ZMAT4: variants seen among roughly 807,000 people sequenced by gnomAD.
The protein encoded by ZMAT4 is zinc finger matrin-type 4, also known as zinc finger matrin-type protein 4.
Under a neutral mutation model 28.7 loss-of-function variants are expected in ZMAT4, and 17 were observed. The observed-to-expected ratio is 0.59, with a 90% CI of 0.41 to 0.89. ZMAT4 has a LOEUF of 0.89. Among genes scored for constraint, ZMAT4 ranks in the 40% least tolerant of loss-of-function variants. The pLI, the probability that ZMAT4 is intolerant of heterozygous loss-of-function variation, is 0.00. For missense variants in ZMAT4, 240 were observed against 283.8 expected (o/e 0.85, Z 1.11); for synonymous variants, 117 against 109.2 (o/e 1.07, Z -0.44).
intron 3 of ZMAT4, among the ~76,000 whole-genome samples, chr8:40,718,457 A>T (rs562133631): frequency 6.6e-6 from 1 of 152,306 alleles, no homozygotes; most frequent in Non-Finnish European, 1.5e-5. Context: ...TTATAACAAT[A>T]CTTGCAGGAT....
intron 5 of ZMAT4, among the ~76,000 whole-genome samples, chr8:40,588,673 G>A (rs758228457): frequency 1.3e-5 from 2 of 152,042 alleles, no homozygotes; most frequent in Non-Finnish European, 2.9e-5. Context: ...TTCTTGAGGG[G>A]ATTGCAAAAT....
At chr8:40,740,831 G>A (rs1427273674) in intron 3 of ZMAT4, among the ~76,000 whole-genome samples, 2 of 152,154 alleles carry the variant, frequency 1.3e-5, no homozygotes, top group African/African-American at 4.8e-5. Flanking sequence ...CAGCAGAAAT[G>A]TGTGAACTGA....
rs549554488 is a variant in ZMAT4 at position 40,805,233 on chromosome 8, A to T, written c.102+20342T>A. On this transcript the variant is annotated intron_variant, in intron 2 of 6. Transcript: ENST00000297737. ...TCAGAGAAATGCAAATCAAAACCACAATGAGATACCATCTCACACCAGTTA... is the reference window on the plus strand; with the variant it reads ...TCAGAGAAATGCAAATCAAAACCACTATGAGATACCATCTCACACCAGTTA... Among the ~76,000 whole-genome samples the T allele has an allele frequency of 1.2e-3, 177 of 151,276 alleles. 5 individuals are homozygous for T. Among genetic ancestry groups the T allele is most frequent in the Admixed American group, 0.012 (177 of 15,204 alleles).
intron 1 of ZMAT4, among the ~76,000 whole-genome samples, chr8:40,894,576 C>T (rs879653511): frequency 5.9e-5 from 9 of 152,016 alleles, no homozygotes; most frequent in Admixed American, 5.9e-4. Flanking sequence ...TGAAATTTTC[C>T]TAAATGAAAG....
chr8:40,760,510 A>C (rs1812879995), intron 3 of ZMAT4, among the ~76,000 whole-genome samples: 1 of 152,192 alleles, frequency 6.6e-6, no homozygotes, highest in South Asian at 2.1e-4. Flanking sequence ...TAGGAGAGCT[A>C]AGCAGCATCT....
intron 3 of ZMAT4, among the ~76,000 whole-genome samples, chr8:40,697,732 C>T (rs983993802): frequency 4.9e-5 from 7 of 141,722 alleles, no homozygotes; most frequent in East Asian, 2.4e-4. Flanking sequence ...CCTGACCGGC[C>T]CCGGTGCAAT....
intron 4 of ZMAT4, among the ~76,000 whole-genome samples, chr8:40,692,134 C>A (rs904333149): frequency 6.6e-6 from 1 of 152,168 alleles, no homozygotes. Context: ...TAAATACCTA[C>A]TATGTGCCCA....
At chr8:40,550,166 G>A (rs1160172202) in intron 6 of ZMAT4, among the ~76,000 whole-genome samples, 1 of 152,094 alleles carries the variant, frequency 6.6e-6, no homozygotes, top group Non-Finnish European at 1.5e-5. Flanking sequence ...CATGAATGCA[G>A]CAGGGATTTT....
intron 1 of ZMAT4, among the ~76,000 whole-genome samples, chr8:40,861,079 C>T (rs1207394705): frequency 6.6e-6 from 1 of 152,208 alleles, no homozygotes. Flanking sequence ...TCTTACTGAT[C>T]ATTATTGGTA....
chr8:40,556,055 G>A (rs1803524712), intron 6 of ZMAT4, among the ~76,000 whole-genome samples: 1 of 152,042 alleles, frequency 6.6e-6, no homozygotes, highest in African/African-American at 2.4e-5. Context: ...CCAGTCACAT[G>A]GTTCTCCTAC....
At chr8:40,601,517 G>T (rs1306318223) in intron 5 of ZMAT4, among the ~76,000 whole-genome samples, 1 of 142,994 alleles carries the variant, frequency 7.0e-6, no homozygotes, top group East Asian at 2.1e-4. Context: ...AAGAGAAAGA[G>T]AAAGAAAGAG....
intron 3 of ZMAT4, among the ~76,000 whole-genome samples, chr8:40,725,962 A>G (rs1249913604): frequency 1.3e-5 from 2 of 152,182 alleles, no homozygotes; most frequent in South Asian, 2.1e-4. Context: ...GGATGCTCCA[A>G]TTTCCATTCT....
rs574506549 is a variant in ZMAT4, at chr8:40,881,548, A to AAG, written c.-5+16133_-5+16134dup. ...AGAGACAGAAAGAAAGAAAGAAAGAAAGAAAGAAAGAAAGAAAGAAAGAAA... is the reference window on the plus strand; with the variant it reads ...AGAGACAGAAAGAAAGAAAGAAAGAAAGAGAAAGAAAGAAAGAAAGAAAGAAA... On this transcript the variant is annotated intron_variant, in intron 1 of 6. Coordinates refer to ENST00000297737, the MANE Select transcript of ZMAT4 (RefSeq NM_024645.3). Among the ~76,000 whole-genome samples, 576 of 81,922 alleles carry AAG rather than the reference A, an allele frequency of 7.0e-3. 21 individuals carry two copies. The highest frequency in any genetic ancestry group is 0.013 in the South Asian group (32 of 2,378). 53.7% of individuals were successfully genotyped at this position (81,922 alleles called of 152,430 possible). A position where few individuals can be genotyped will look rare whatever the true frequency, so the allele number is the denominator to read the frequency against.
At position 40,716,834 on chromosome 8, in the gene ZMAT4, G is replaced by A. The variant is rs1426914112; in HGVS notation, c.193-19433C>T. 2.0e-5 allele frequency among the ~76,000 whole-genome samples: 3 copies of A among 152,122 alleles called. No individual in the cohort carries two copies. The East Asian group carries it at 5.8e-4, about 29-fold the overall frequency. On this transcript the variant is annotated intron_variant, in intron 3 of 6. Transcript: ENST00000297737. Reference sequence around the variant, plus strand: ...CCTTGAGATATCAACAAAGACCTAGGCCTTTTTACTTTGTTAGCTGGTCAG... The same window carrying A: ...CCTTGAGATATCAACAAAGACCTAGACCTTTTTACTTTGTTAGCTGGTCAG...
chr8:40,860,680 C>T (rs1289876801), intron 1 of ZMAT4, among the ~76,000 whole-genome samples: 7 of 152,236 alleles, frequency 4.6e-5, no homozygotes, highest in Non-Finnish European at 1.0e-4. Context: ...ATGTCTCTCA[C>T]TTGACTGGGA....
chr8:40,609,170 T>C (rs1805705871), intron 5 of ZMAT4, among the ~76,000 whole-genome samples: 1 of 152,162 alleles, frequency 6.6e-6, no homozygotes, highest in Non-Finnish European at 1.5e-5. Context: ...AAAAGTAAAT[T>C]AGTAGGAAAA....
intron 5 of ZMAT4, among the ~76,000 whole-genome samples, chr8:40,586,852 T>TA (rs1337831907): frequency 6.6e-6 from 1 of 151,820 alleles, no homozygotes; most frequent in Non-Finnish European, 1.5e-5. Flanking sequence ...GTAAACAAAT[T>TA]AAAAAATATA....
intron 3 of ZMAT4, among the ~76,000 whole-genome samples, chr8:40,735,100 T>C (rs930500434): frequency 1.3e-5 from 2 of 152,224 alleles, no homozygotes; most frequent in African/African-American, 4.8e-5. Flanking sequence ...TCTGATGCTC[T>C]AGGCAGAAAC....
chr8:40,623,166 G>A (rs1343037523), intron 5 of ZMAT4, among the ~76,000 whole-genome samples: 1 of 152,132 alleles, frequency 6.6e-6, no homozygotes, highest in Non-Finnish European at 1.5e-5. Flanking sequence ...TGGAAAAATG[G>A]CAGCGTGGAT....
Sources: allele counts gnomAD v4.1 joint callset (sites outside exome capture counted in the v4.1 genomes callset), GRCh38; gene constraint gnomAD v4.1.1; transcripts MANE v1.5; gene names NCBI Gene and HGNC (gene_info 2026-07-23, HGNC 2026-07-21).